BORCS5: variants seen among roughly 807,000 people sequenced by gnomAD.
BORCS5 encodes BLOC-1 related complex subunit 5.
A neutral mutation model predicts 22.1 loss-of-function variants in BORCS5; 17 were observed. The observed-to-expected ratio is 0.77, with a 90% CI of 0.53 to 1.15. The LOEUF (loss-of-function observed/expected upper bound fraction) is 1.15. BORCS5 is among the 50% of genes most tolerant of loss of function. The pLI, the probability that BORCS5 is intolerant of heterozygous loss-of-function variation, is 0.00. For synonymous variants in BORCS5, 117 were observed against 99.8 expected (o/e 1.17, Z -1.03); for missense variants, 247 against 253.2 (o/e 0.98, Z 0.17).
intron 3 of BORCS5, among the ~76,000 whole-genome samples, chr12:12,442,515 AG>A (rs1227464995): frequency 2.6e-5 from 4 of 152,160 alleles, no homozygotes; most frequent in African/African-American, 9.7e-5. Flanking sequence ...TGAAGCATGG[AG>A]GGGGTTCAGA....
In BORCS5 at chr12:12,469,507, T is replaced by C. The variant is rs1943255497; in HGVS notation, c.*3731T>C. The C allele has an allele frequency of 6.6e-6, 1 of 152,244 alleles. No individual in the cohort carries two copies. Among genetic ancestry groups the C allele is most frequent in the African/African-American group, 2.4e-5 (1 of 41,456 alleles). 9.4% of individuals were successfully genotyped at this position (152,244 alleles called of 1,614,324 possible). On this transcript the variant is annotated 3_prime_UTR_variant, in exon 4 of 4. Coordinates refer to ENST00000314565, the MANE Select transcript of BORCS5 (RefSeq NM_058169.6). ...GGTTGGTACTGTTACCCTTACGTTATAGGTATTACAAACTCGGTTTTACAA... is the reference window on the plus strand; with the variant it reads ...GGTTGGTACTGTTACCCTTACGTTACAGGTATTACAAACTCGGTTTTACAA...
intron 2 of BORCS5, among the ~76,000 whole-genome samples, chr12:12,368,320 C>G (rs574362842): frequency 6.6e-6 from 1 of 151,200 alleles, no homozygotes; most frequent in East Asian, 1.9e-4. Context: ...CTCTATTCCT[C>G]TCTGCACAGC....
chr12:12,365,413 C>G (rs908950985), intron 2 of BORCS5, among the ~76,000 whole-genome samples: 7 of 151,354 alleles, frequency 4.6e-5, no homozygotes, highest in Non-Finnish European at 7.4e-5. Context: ...CTCCTGGACT[C>G]CAGTGCTCCT....
intron 2 of BORCS5, among the ~76,000 whole-genome samples, chr12:12,380,725 C>A (rs1863757842): frequency 6.6e-6 from 1 of 151,296 alleles, no homozygotes; most frequent in South Asian, 2.1e-4. Context: ...TACATTCCTT[C>A]CAGCAATGTA....
intron 1 of BORCS5, among the ~76,000 whole-genome samples, chr12:12,358,271 CT>C (rs1863192446): frequency 6.6e-6 from 1 of 152,196 alleles, no homozygotes; most frequent in African/African-American, 2.4e-5. Context: ...TTGGTTAAAT[CT>C]GGGGCCTAAA....
intron 2 of BORCS5, among the ~76,000 whole-genome samples, chr12:12,404,124 G>A (rs897018823): frequency 2.6e-5 from 4 of 152,250 alleles, no homozygotes; most frequent in African/African-American, 9.6e-5. Flanking sequence ...TCATTTATTT[G>A]GAGAGATGTG....
intron 2 of BORCS5, among the ~76,000 whole-genome samples, chr12:12,420,516 T>G (rs1942087562): frequency 6.6e-6 from 1 of 152,202 alleles, no homozygotes; most frequent in African/African-American, 2.4e-5. Flanking sequence ...TAGGATTGTC[T>G]TGGCAATGCG....
At chr12:12,401,530 G>A (rs1281331607) in intron 2 of BORCS5, among the ~76,000 whole-genome samples, 1 of 150,940 alleles carries the variant, frequency 6.6e-6, no homozygotes, top group Non-Finnish European at 1.5e-5. Context: ...TTTTTTTTCT[G>A]ATCACGAAAT....
chr12:12,448,703 A>G (rs1942840418), intron 3 of BORCS5, among the ~76,000 whole-genome samples: 1 of 149,816 alleles, frequency 6.7e-6, no homozygotes, highest in Non-Finnish European at 1.5e-5. Context: ...TAATTTTTGT[A>G]TTTTTAGTAG....
At chr12:12,395,264 A>AATT (rs148207640) in intron 2 of BORCS5, among the ~76,000 whole-genome samples, 22 of 150,640 alleles carry the variant, frequency 1.5e-4, no homozygotes, top group South Asian at 4.2e-4. Flanking sequence ...AGGATGAGAC[A>AATT]ATTATTATTA....
chr12:12,418,495 G>C (rs115672013), intron 2 of BORCS5, among the ~76,000 whole-genome samples: 2,609 of 152,076 alleles, frequency 0.017, 69 homozygotes, highest in African/African-American at 0.059. Context: ...GACTAGCCTG[G>C]GCAACATAGT....
chr12:12,463,624 G>A (rs1313764153), intron 3 of BORCS5, among the ~76,000 whole-genome samples: 1 of 152,146 alleles, frequency 6.6e-6, no homozygotes, highest in Non-Finnish European at 1.5e-5. Flanking sequence ...AAGACATGAT[G>A]TCAGCACGCA....
At chr12:12,384,338 G>A (rs1018573516) in intron 2 of BORCS5, among the ~76,000 whole-genome samples, 7 of 149,742 alleles carry the variant, frequency 4.7e-5, no homozygotes, top group African/African-American at 1.7e-4. Context: ...TGAATTTGTA[G>A]ATTCATTGTT....
intron 2 of BORCS5, among the ~76,000 whole-genome samples, chr12:12,394,436 C>T (rs868397018): frequency 6.6e-6 from 1 of 151,964 alleles, no homozygotes; most frequent in African/African-American, 2.4e-5. Flanking sequence ...ATTTTGGTGA[C>T]CTGTAGGCCA....
chr12:12,431,744 A>G (rs1192963350), intron 2 of BORCS5, among the ~76,000 whole-genome samples: 4 of 82,520 alleles, frequency 4.8e-5, no homozygotes, highest in Admixed American at 4.7e-4. Flanking sequence ...TTGTTTTTTT[A>G]GAGATGGAGT....
intron 3 of BORCS5, among the ~76,000 whole-genome samples, chr12:12,443,959 A>G (rs1232241739): frequency 1.3e-5 from 2 of 152,198 alleles, no homozygotes; most frequent in African/African-American, 2.4e-5. Context: ...CTCTAAGCCA[A>G]CTAGCCAGTA....
chr12:12,451,296 T>C (rs1942903336), intron 3 of BORCS5, among the ~76,000 whole-genome samples: 1 of 152,188 alleles, frequency 6.6e-6, no homozygotes, highest in Non-Finnish European at 1.5e-5. Flanking sequence ...ACCTTGGAGT[T>C]TATTTAAACT....
At chr12:12,460,108 A>G (rs1943075510) in intron 3 of BORCS5, among the ~76,000 whole-genome samples, 1 of 152,254 alleles carries the variant, frequency 6.6e-6, no homozygotes, top group Admixed American at 6.5e-5. Flanking sequence ...TTTGGCAAGC[A>G]TCAGCACCTT....
At chr12:12,407,178 T>G (rs1941613322) in intron 2 of BORCS5, among the ~76,000 whole-genome samples, 1 of 152,220 alleles carries the variant, frequency 6.6e-6, no homozygotes. Flanking sequence ...TGCAAATAAT[T>G]TTGAAGTAGT....
Sources: gnomAD v4.1 joint callset for allele counts (sites outside exome capture counted in the v4.1 genomes callset) on GRCh38, gnomAD v4.1.1 for gene constraint, MANE v1.5 for transcripts, NCBI Gene and HGNC (gene_info 2026-07-23, HGNC 2026-07-21) for gene names.